Variants in NCAM1 observed in about 807,000 individuals in gnomAD.
The protein encoded by NCAM1 is antigen recognized by monoclonal antibody 5.1H11.
Under a neutral mutation model 109.8 loss-of-function variants are expected in NCAM1, and 14 were observed. The observed-to-expected ratio is 0.13, with a 90% confidence interval of 0.08 to 0.20. The LOEUF (loss-of-function observed/expected upper bound fraction) is 0.20. Among genes scored for constraint, NCAM1 ranks in the 10% least tolerant of loss-of-function variants. NCAM1 has a pLI of 1.00. For missense variants in NCAM1, 774 were observed against 1,109.9 expected (o/e 0.70, Z 4.30); for synonymous variants, 418 against 442.9 (o/e 0.94, Z 0.70).
At chr11:113,217,496 T>C (rs548728564) in intron 8 of NCAM1, among the ~76,000 whole-genome samples, 8 of 152,230 alleles carry the variant, frequency 5.3e-5, no homozygotes, top group African/African-American at 1.9e-4. Context: ...AGTTCACTAG[T>C]GCTCCCCTAA....
chr11:113,005,718 A>G (rs782686492), intron 1 of NCAM1, among the ~76,000 whole-genome samples: 8 of 152,162 alleles, frequency 5.3e-5, no homozygotes, highest in Admixed American at 1.3e-4. Flanking sequence ...AGACTTTCAG[A>G]CAATGCATCT....
At position 113,116,336 on chromosome 11, in the gene NCAM1, T is replaced by A. The variant is rs140042818; in HGVS notation, c.53-86043T>A. 1.2e-3 allele frequency among the ~76,000 whole-genome samples: 183 copies of A among 152,290 alleles called. 1 individual carries two copies. The highest frequency in any genetic ancestry group is 4.2e-3 in the African/African-American group (174 of 41,556). ...ATTTTGCTGTGTTATGCCTTCATTA[T>A]AGAAGGGAAAGAGAAGGGTGGTGGA... On this transcript the variant is annotated intron_variant, in intron 1 of 19. Coordinates refer to ENST00000316851, the MANE Select transcript of NCAM1 (RefSeq NM_181351.5).
intron 1 of NCAM1, among the ~76,000 whole-genome samples, chr11:113,161,396 A>G (rs1555104384): frequency 6.6e-6 from 1 of 152,132 alleles, no homozygotes; most frequent in Non-Finnish European, 1.5e-5. Flanking sequence ...GTTATTGCCA[A>G]ACCCTGTGCC....
chr11:113,168,050 G>A (rs75013110), intron 1 of NCAM1, among the ~76,000 whole-genome samples: 1 of 152,186 alleles, frequency 6.6e-6, no homozygotes, highest in African/African-American at 2.4e-5. Context: ...TTCCACATCT[G>A]AAAGGAATTG....
chr11:112,981,194 T>C (rs782212543), intron 1 of NCAM1, among the ~76,000 whole-genome samples: 4 of 151,894 alleles, frequency 2.6e-5, no homozygotes, highest in African/African-American at 7.2e-5. Context: ...AGGCTTATCA[T>C]TCATTCTCTG....
intron 1 of NCAM1, among the ~76,000 whole-genome samples, chr11:113,031,311 G>A (rs1006020419): frequency 7.9e-5 from 12 of 152,136 alleles, no homozygotes; most frequent in Non-Finnish European, 1.6e-4. Context: ...AGGAACACTA[G>A]ACAGCACTTC....
chr11:113,265,297 G>A (rs1946115236), intron 17 of NCAM1: 1 of 354,542 alleles, frequency 2.8e-6, no homozygotes, highest in Admixed American at 6.4e-5. Flanking sequence ...CTATTACCTA[G>A]AGAAATAGTA....
intron 13 of NCAM1, 118 bp from the exon 14 acceptor site, chr11:113,234,915 T>C: frequency 7.6e-7 from 1 of 1,315,946 alleles, no homozygotes; most frequent in East Asian, 2.5e-5. Context: ...GAAATAGAAT[T>C]GCTGGACCAA....
intron 1 of NCAM1, among the ~76,000 whole-genome samples, chr11:112,990,699 A>G (rs2134813832): frequency 1.3e-5 from 2 of 152,180 alleles, no homozygotes; most frequent in Admixed American, 1.3e-4. Context: ...TCTGGGTCCC[A>G]GGGTGAATGG....
At chr11:113,019,557 C>A (rs1197118708) in intron 1 of NCAM1, among the ~76,000 whole-genome samples, 2 of 152,140 alleles carry the variant, frequency 1.3e-5, no homozygotes, top group African/African-American at 4.8e-5. Context: ...TCCTTAAATG[C>A]TGCTGCATCT....
chr11:113,003,590 CT>C lies in NCAM1; in HGVS notation c.52+41927del, dbSNP rs539119910. 3.6e-3 allele frequency among the ~76,000 whole-genome samples: 549 copies of C among 152,252 alleles called. 2 individuals are homozygous for C. The highest frequency in any genetic ancestry group is 0.01 in the Middle Eastern group (3 of 294). On this transcript the variant is annotated intron_variant, in intron 1 of 19. Coordinates refer to ENST00000316851, the MANE Select transcript of NCAM1 (RefSeq NM_181351.5). ...ATCTTATGATTATGGGATTTCCCCCCTATGTGGAAAAATATGTATTAAACCC... is the reference window on the plus strand; with the variant it reads ...ATCTTATGATTATGGGATTTCCCCCCATGTGGAAAAATATGTATTAAACCC...
rs781942531 is a variant in NCAM1, at chr11:113,193,616, GCAA to G, written c.53-8762_53-8760del. Among the ~76,000 whole-genome samples the G allele has an allele frequency of 1.9e-3, 295 of 152,068 alleles. 1 individual carries two copies. Among genetic ancestry groups the G allele is most frequent in the Middle Eastern group, 0.014 (4 of 294 alleles). ...TGCAGTGAAGCGAGATCCAGCCTGG[GCAA>G]GAAGAGCAAAATTCTGTGTCAAAAA... is the stretch of plus-strand genomic sequence containing the variant. On this transcript the variant is annotated intron_variant, in intron 1 of 19. Coordinates refer to ENST00000316851, the MANE Select transcript of NCAM1 (RefSeq NM_181351.5).
chr11:112,998,225 T>A (rs545383960), intron 1 of NCAM1, among the ~76,000 whole-genome samples: 82 of 152,178 alleles, frequency 5.4e-4, no homozygotes, highest in Non-Finnish European at 1.0e-3. Flanking sequence ...GGTGTTTTCA[T>A]CATAAAAGAG....
At chr11:113,042,595 A>G (rs1006203353) in intron 1 of NCAM1, among the ~76,000 whole-genome samples, 2 of 151,956 alleles carry the variant, frequency 1.3e-5, no homozygotes, top group Non-Finnish European at 2.9e-5. Flanking sequence ...ACTGCAGCCC[A>G]CACTTCCAGT....
At chr11:113,056,602 G>T (rs1005541304) in intron 1 of NCAM1, among the ~76,000 whole-genome samples, 2 of 152,174 alleles carry the variant, frequency 1.3e-5, no homozygotes, top group African/African-American at 4.8e-5. Flanking sequence ...ATGTGGTAAG[G>T]AACTGGGGGA....
intron 7 of NCAM1, among the ~76,000 whole-genome samples, chr11:113,211,814 A>G (rs1396831863): frequency 6.6e-6 from 1 of 152,188 alleles, no homozygotes; most frequent in Non-Finnish European, 1.5e-5. Flanking sequence ...TTGTAGGAGC[A>G]TGGACTGGAG....
At chr11:113,267,429 C>T (rs1426791081) in intron 17 of NCAM1, among the ~76,000 whole-genome samples, 2 of 151,508 alleles carry the variant, frequency 1.3e-5, no homozygotes, top group African/African-American at 4.9e-5. Context: ...GGAGGTGCCA[C>T]ACTAGATAAG....
intron 8 of NCAM1, among the ~76,000 whole-genome samples, chr11:113,216,074 A>G (rs1476953290): frequency 6.6e-6 from 1 of 152,180 alleles, no homozygotes; most frequent in African/African-American, 2.4e-5. Context: ...GCTAGACCAG[A>G]AAGGTTATTA....
intron 1 of NCAM1, among the ~76,000 whole-genome samples, chr11:113,067,564 A>T (rs1938026243): frequency 6.6e-6 from 1 of 152,208 alleles, no homozygotes; most frequent in Non-Finnish European, 1.5e-5. Context: ...TGACTCACGA[A>T]TATTGTCACC....
Sources: gnomAD v4.1 joint callset for allele counts (sites outside exome capture counted in the v4.1 genomes callset) on GRCh38, gnomAD v4.1.1 for gene constraint, MANE v1.5 for transcripts, NCBI Gene and HGNC (gene_info 2026-07-23, HGNC 2026-07-21) for gene names.